FNDC3B: variants seen among roughly 807,000 people sequenced by gnomAD.
FNDC3B encodes the protein fibronectin type III domain containing 3B.
A neutral mutation model predicts 151.5 loss-of-function variants in FNDC3B; 12 were observed. The ratio of observed to expected loss-of-function variants is 0.08; its 90% confidence interval spans 0.05 to 0.13. FNDC3B has a LOEUF of 0.13. Ranked by LOEUF, FNDC3B falls within the 10% of genes least tolerant of loss-of-function variation. FNDC3B has a pLI of 1.00. For missense variants in FNDC3B, 1,214 were observed against 1,505.3 expected (o/e 0.81, Z 3.20); for synonymous variants, 528 against 549.0 (o/e 0.96, Z 0.54).
chr3:172,325,980 C>G (rs912955522), intron 11 of FNDC3B, among the ~76,000 whole-genome samples: 1 of 152,144 alleles, frequency 6.6e-6, no homozygotes, highest in African/African-American at 2.4e-5. Flanking sequence ...TCTACCACCA[C>G]GCCTGGGTAA....
At chr3:172,318,059 C>T (rs1731899419) in intron 11 of FNDC3B, among the ~76,000 whole-genome samples, 1 of 152,232 alleles carries the variant, frequency 6.6e-6, no homozygotes, top group Non-Finnish European at 1.5e-5. Context: ...AATGTGACTA[C>T]TGGAGTTCCC....
At chr3:172,083,924 C>T (rs1718413665) in intron 1 of FNDC3B, among the ~76,000 whole-genome samples, 1 of 152,068 alleles carries the variant, frequency 6.6e-6, no homozygotes. Context: ...GCATTGTGAC[C>T]TTAGTTTATT....
intron 2 of FNDC3B, among the ~76,000 whole-genome samples, chr3:172,131,784 CAAATT>C (rs1210196082): frequency 6.6e-6 from 1 of 151,822 alleles, no homozygotes; most frequent in East Asian, 1.9e-4. Context: ...TTTTACAAAA[CAAATT>C]ATAGTGTATA....
At chr3:172,362,951 T>C (rs1359185779) in intron 23 of FNDC3B, 106 bp downstream of exon 23, 1 of 854,342 alleles carries the variant, frequency 1.2e-6, no homozygotes, top group Non-Finnish European at 1.8e-6. Flanking sequence ...CTCTTCCTTC[T>C]TGTTCAGAGG....
At chr3:172,251,911 A>G (rs1202609967) in intron 6 of FNDC3B, among the ~76,000 whole-genome samples, 1 of 152,244 alleles carries the variant, frequency 6.6e-6, no homozygotes, top group East Asian at 1.9e-4. Context: ...AAATCTCAAA[A>G]TAATTATACC....
At chr3:172,351,707 G>T (rs1253354354) in intron 21 of FNDC3B, among the ~76,000 whole-genome samples, 1 of 152,178 alleles carries the variant, frequency 6.6e-6, no homozygotes, top group Non-Finnish European at 1.5e-5. Flanking sequence ...AGAGTAGTTG[G>T]ACTAGAGTAA....
At chr3:172,086,861 T>C (rs1718572223) in intron 1 of FNDC3B, among the ~76,000 whole-genome samples, 1 of 152,216 alleles carries the variant, frequency 6.6e-6, no homozygotes, top group African/African-American at 2.4e-5. Flanking sequence ...TTTCTCAAGC[T>C]TGATGGAAGT....
chr3:172,330,840 T>G, intron 13 of FNDC3B, 125 bp downstream of exon 13: 2 of 685,464 alleles, frequency 2.9e-6, no homozygotes, highest in Non-Finnish European at 4.9e-6. Context: ...TCTGCCTCTG[T>G]CACCACCACT....
At chr3:172,228,760 T>G (rs1576818163) in intron 4 of FNDC3B, among the ~76,000 whole-genome samples, 1 of 152,168 alleles carries the variant, frequency 6.6e-6, no homozygotes, top group Non-Finnish European at 1.5e-5. Flanking sequence ...AAAGAAGCAG[T>G]CTGTAAGGCA....
intron 25 of FNDC3B, among the ~76,000 whole-genome samples, chr3:172,389,933 A>C (rs922902141): frequency 1.3e-5 from 2 of 152,126 alleles, no homozygotes; most frequent in East Asian, 3.8e-4. Flanking sequence ...AATAGACTCC[A>C]TTTTTTGCTG....
chr3:172,126,848 A>G (rs1245557738), intron 2 of FNDC3B: 1 of 291,334 alleles, frequency 3.4e-6, no homozygotes, highest in African/African-American at 2.2e-5. Flanking sequence ...TTGTTATGAT[A>G]ATCTTAATTA....
chr3:172,151,957 A>G (rs1160845256), intron 3 of FNDC3B, among the ~76,000 whole-genome samples: 1 of 152,072 alleles, frequency 6.6e-6, no homozygotes, highest in Non-Finnish European at 1.5e-5. Flanking sequence ...AGAATCTAAT[A>G]TTTTCATTCT....
At chr3:172,078,444 T>C (rs1010193636) in intron 1 of FNDC3B, among the ~76,000 whole-genome samples, 1 of 152,190 alleles carries the variant, frequency 6.6e-6, no homozygotes, top group African/African-American at 2.4e-5. Context: ...TGGCGTCTTG[T>C]GGTTTAGGGG....
At chr3:172,279,645 G>A (rs924548080) in intron 6 of FNDC3B, among the ~76,000 whole-genome samples, 1 of 152,116 alleles carries the variant, frequency 6.6e-6, no homozygotes, top group African/African-American at 2.4e-5. Flanking sequence ...TGGAATAGTT[G>A]TTTTTGGAGA....
intron 1 of FNDC3B, among the ~76,000 whole-genome samples, chr3:172,105,640 A>G (rs114493864): frequency 0.03 from 4,256 of 142,370 alleles, 178 homozygotes; most frequent in African/African-American, 0.096. Context: ...AAAAAAAAAG[A>G]TGGGGTTTCG....
At chr3:172,375,506 G>A (rs1829867) in intron 23 of FNDC3B, among the ~76,000 whole-genome samples, 108,483 of 152,024 alleles carry the variant, frequency 0.71, 39,994 homozygotes, top group Non-Finnish European at 0.83. Context: ...TGAAGGCTCA[G>A]TATCTGGTTA....
intron 8 of FNDC3B, 51 bp downstream of exon 8, chr3:172,295,565 G>C: frequency 6.4e-7 from 1 of 1,560,122 alleles, no homozygotes; most frequent in South Asian, 1.2e-5. Context: ...TAAAATTGGA[G>C]TTGTGAAGGA....
intron 1 of FNDC3B, among the ~76,000 whole-genome samples, chr3:172,054,889 A>G (rs1399907461): frequency 3.3e-5 from 5 of 152,174 alleles, no homozygotes; most frequent in Admixed American, 1.3e-4. Context: ...ACTACTTCTT[A>G]AGAGTACATA....
At chr3:172,216,392 C>T (rs1725977027) in intron 3 of FNDC3B, among the ~76,000 whole-genome samples, 1 of 152,096 alleles carries the variant, frequency 6.6e-6, no homozygotes, top group South Asian at 2.1e-4. Context: ...ACTGGCTGGG[C>T]ACAGTAACTC....
Sources: gnomAD v4.1 joint callset for allele counts (sites outside exome capture counted in the v4.1 genomes callset) on GRCh38, gnomAD v4.1.1 for gene constraint, MANE v1.5 for transcripts, NCBI Gene and HGNC (gene_info 2026-07-23, HGNC 2026-07-21) for gene names.